The following RBM47 variants were observed in gnomAD, a reference collection of about 807,000 sequenced individuals.
The protein encoded by RBM47 is RNA binding motif protein 47, also known as RNA-binding protein 47.
RBM47 carries 21 observed loss-of-function variants against 47.1 expected under a neutral mutation model. The ratio of observed to expected loss-of-function variants is 0.45; its 90% confidence interval spans 0.32 to 0.64. The LOEUF (loss-of-function observed/expected upper bound fraction) is 0.64. Among genes scored for constraint, RBM47 ranks in the 30% least tolerant of loss-of-function variants. The probability of loss-of-function intolerance (pLI) is 0.05; values close to 1 mark genes in which losing one functional copy is unlikely to be tolerated. For missense variants in RBM47, 708 were observed against 870.9 expected (o/e 0.81, Z 2.35); for synonymous variants, 375 against 361.7 (o/e 1.04, Z -0.42).
chr4:40,601,062 C>T (rs970607629), intron 1 of RBM47, among the ~76,000 whole-genome samples: 2 of 151,244 alleles, frequency 1.3e-5, no homozygotes, highest in Non-Finnish European at 2.9e-5. Flanking sequence ...CCTCAAGTGC[C>T]TCACGGAAAT....
intron 2 of RBM47, among the ~76,000 whole-genome samples, chr4:40,510,916 A>G (rs1320875792): frequency 6.6e-6 from 1 of 152,152 alleles, no homozygotes; most frequent in Admixed American, 6.5e-5. Flanking sequence ...TGAAAAATAC[A>G]AAGAGTCAAC....
chr4:40,617,940 T>C (rs1560508314), intron 1 of RBM47, among the ~76,000 whole-genome samples: 1 of 152,046 alleles, frequency 6.6e-6, no homozygotes, highest in African/African-American at 2.4e-5. Context: ...TACAAAACAG[T>C]TGTCTAAAAG....
chr4:40,523,629 C>T (rs1370181232), intron 2 of RBM47, among the ~76,000 whole-genome samples: 11 of 151,094 alleles, frequency 7.3e-5, no homozygotes, highest in South Asian at 4.2e-4. Flanking sequence ...CCAGCCTGGG[C>T]GCCAAGAGCA....
chr4:40,598,176 C>T (rs1301214570), intron 1 of RBM47, among the ~76,000 whole-genome samples: 4 of 152,106 alleles, frequency 2.6e-5, no homozygotes, highest in African/African-American at 7.2e-5. Flanking sequence ...TGAATTTTGC[C>T]GCAATGTCTA....
intron 1 of RBM47, among the ~76,000 whole-genome samples, chr4:40,621,552 G>A (rs1203993687): frequency 6.6e-6 from 1 of 152,188 alleles, no homozygotes; most frequent in Non-Finnish European, 1.5e-5. Context: ...ATGGAATCCT[G>A]TAGCAGCAAT....
In RBM47 at chr4:40,424,105, GA is replaced by G. The variant is rs1714720457; in HGVS notation, c.*1798del. ...ATAAAAACTCATCTCATTTCAAGAT[GA>G]GGGGGAAAAAGGCATTTGGGAATCT... is the stretch of plus-strand genomic sequence containing the variant. On this transcript the variant is annotated 3_prime_UTR_variant, in exon 7 of 7. Transcript: ENST00000295971. 3 of 149,578 alleles carry G rather than the reference GA, an allele frequency of 2.0e-5. No individual in the cohort carries two copies. The highest frequency in any genetic ancestry group is 1.3e-4 in the Admixed American group (2 of 15,152). The allele number at this position is 149,578 out of a possible 1,614,324, so 9.3% of individuals were successfully genotyped here. A position where few individuals can be genotyped will look rare whatever the true frequency, so the allele number is the denominator to read the frequency against.
chr4:40,461,936 C>CA (rs34793166), intron 3 of RBM47, among the ~76,000 whole-genome samples: 3,252 of 127,704 alleles, frequency 0.025, 45 homozygotes, highest in African/African-American at 0.054. Context: ...AACTCCGTCT[C>CA]AAAAAAAAAA....
chr4:40,469,433 ATTTTTT>A (rs55864514), intron 2 of RBM47, among the ~76,000 whole-genome samples: 2 of 128,802 alleles, frequency 1.6e-5, no homozygotes, highest in Non-Finnish European at 3.3e-5. Context: ...CCATTCCATA[ATTTTTT>A]TTTTTTTTTT....
chr4:40,583,039 G>A (rs1359917356), intron 1 of RBM47, among the ~76,000 whole-genome samples: 3 of 152,190 alleles, frequency 2.0e-5, no homozygotes, highest in African/African-American at 2.4e-5. Flanking sequence ...TGGAATGTGC[G>A]AAGTACAGAA....
At position 40,438,650 on chromosome 4, in the gene RBM47, C is replaced by T. The variant is rs866292044; in HGVS notation, c.244G>A (p.Val82Met). 1.9e-6 allele frequency: 3 copies of T among 1,612,546 alleles called. No homozygotes were observed. Among genetic ancestry groups the T allele is most frequent in the Middle Eastern group, 1.7e-4 (1 of 6,056 alleles). ...ACGGGCACCAGCTCGTCCTCGTACA[C>T]GTCGCGCGGGATCTTGCCCACGAAG... ...EVFVGKIPRDVYEDELVPVFE... is the reference protein window; with the variant it reads ...EVFVGKIPRDMYEDELVPVFE... The change falls in exon 4 of 7, where the codon GTG (valine) becomes ATG (methionine). Residue 82 changes from valine (V) to methionine (M), a missense_variant. Coordinates refer to ENST00000295971, the MANE Select transcript of RBM47 (RefSeq NM_001098634.2).
chr4:40,500,841 C>CT (rs34899870), intron 2 of RBM47, among the ~76,000 whole-genome samples: 25,528 of 152,074 alleles, frequency 0.17, 2,204 homozygotes, highest in East Asian at 0.26. Context: ...CCAGATGTTC[C>CT]TTAACCACAA....
chr4:40,425,924 C>A lies in RBM47; in HGVS notation c.1762G>T (p.Asp588Tyr). 3 of 1,614,124 alleles carry A rather than the reference C, an allele frequency of 1.9e-6. No individual in the cohort carries two copies. The highest frequency in any genetic ancestry group is 1.7e-6 in the Non-Finnish European group (2 of 1,180,018). ...CAGCCTCAGTATGTCTGGTAGACGT[C>A]GGGGATGGGGACCTGAATGGCAGCA... ...PAAAIQVPIPDVYQTY is the reference protein window; with the variant it reads ...PAAAIQVPIPYVYQTY The change falls in exon 7 of 7, where the codon GAC becomes TAC. Residue 588 changes from aspartate (D) to tyrosine (Y), a missense_variant. Physicochemically the swap from Asp to Tyr is radical, Grantham distance 160. Coordinates refer to ENST00000295971, the MANE Select transcript of RBM47 (RefSeq NM_001098634.2).
At position 40,496,559 on chromosome 4, in the gene RBM47, CAAATAGCTACCAACCA is replaced by C. The variant is rs544629242; in HGVS notation, c.-154-29876_-154-29861del. On this transcript the variant is annotated intron_variant, in intron 2 of 6. Transcript: ENST00000295971. The stretch of plus-strand genomic sequence containing the variant: ...TGTTCAGCCAATTTTGGCTATAACC[CAAATAGCTACCAACCA>C]AAATGGCTACCTAGGCTACTCTGTT... Among the ~76,000 whole-genome samples, 18 of 152,246 alleles carry C rather than the reference CAAATAGCTACCAACCA, an allele frequency of 1.2e-4. 1 individual carries two copies. The South Asian group carries it at 3.7e-3, about 32-fold the overall frequency.
intron 3 of RBM47, chr4:40,455,430 G>A (rs551521888): frequency 2.6e-5 from 4 of 152,246 alleles, no homozygotes; most frequent in East Asian, 1.9e-4. Context: ...TCTATAAAAT[G>A]GTGATAATAT....
chr4:40,558,868 C>T (rs1349353165), intron 1 of RBM47, among the ~76,000 whole-genome samples: 1 of 150,908 alleles, frequency 6.6e-6, no homozygotes, highest in African/African-American at 2.4e-5. Flanking sequence ...GTGGCAGGCG[C>T]CTGTAATCCC....
At chr4:40,565,553 T>C (rs1324151703) in intron 1 of RBM47, among the ~76,000 whole-genome samples, 1 of 152,170 alleles carries the variant, frequency 6.6e-6, no homozygotes, top group Non-Finnish European at 1.5e-5. Context: ...ATGTGTACAA[T>C]TAGCCCTGGT....
rs76871809 is a variant in RBM47, at chr4:40,551,202, C to T, written c.-239-6696G>A. Among the ~76,000 whole-genome samples the T allele has an allele frequency of 9.9e-3, 1,510 of 152,228 alleles. 33 individuals are homozygous for T. Among genetic ancestry groups the T allele is most frequent in the African/African-American group, 0.034 (1,432 of 41,536 alleles). On this transcript the variant is annotated intron_variant, in intron 1 of 6. Coordinates refer to ENST00000295971, the MANE Select transcript of RBM47 (RefSeq NM_001098634.2). ...TCACTATGGGCTTGGGTCACAGTTACAAAAGAATGAAGAAAATACGGTGGC... is the reference window on the plus strand; with the variant it reads ...TCACTATGGGCTTGGGTCACAGTTATAAAAGAATGAAGAAAATACGGTGGC...
chr4:40,495,734 A>G (rs1297022582), intron 2 of RBM47, among the ~76,000 whole-genome samples: 1 of 152,228 alleles, frequency 6.6e-6, no homozygotes, highest in African/African-American at 2.4e-5. Context: ...GAGGCATGCT[A>G]GCACTCAGAC....
chr4:40,437,090 A>AAAAAAAAAAAATATATAT (rs1256296949), intron 4 of RBM47, among the ~76,000 whole-genome samples: 13 of 49,792 alleles, frequency 2.6e-4, no homozygotes, highest in Admixed American at 9.3e-4. Context: ...AAAAAAAAAA[A>AAAAAAAAAAAATATATAT]ATATATATAT....
Sources: allele counts gnomAD v4.1 joint callset (sites outside exome capture counted in the v4.1 genomes callset), GRCh38; gene constraint gnomAD v4.1.1; transcripts MANE v1.5; gene names NCBI Gene and HGNC (gene_info 2026-07-23, HGNC 2026-07-21).